Variants in JPH2 observed in about 807,000 individuals in gnomAD.
The protein encoded by JPH2 is junctophilin-2.
Under a neutral mutation model 55.9 loss-of-function variants are expected in JPH2, and 38 were observed. That is an observed-to-expected ratio of 0.68 (90% CI 0.52 to 0.89). The LOEUF (loss-of-function observed/expected upper bound fraction) is 0.89. Among genes scored for constraint, JPH2 ranks in the 40% least tolerant of loss-of-function variants. The pLI is 0.00. For synonymous variants in JPH2, 480 were observed against 472.4 expected, an observed-to-expected ratio of 1.02 and a Z score of -0.21; for missense variants, 964 against 1,037.6, an observed-to-expected ratio of 0.93 and a Z score of 0.97.
At chr20:44,153,329 A>G (rs1238262829) in intron 2 of JPH2, among the ~76,000 whole-genome samples, 2 of 152,216 alleles carry the variant, frequency 1.3e-5, no homozygotes, top group African/African-American at 4.8e-5. Flanking sequence ...ATTAAACAGG[A>G]AAGTGAGCCC....
rs1555852309 is a variant in JPH2, at chr20:44,108,643, A to AAG, written c.*4874_*4875insCT. On this transcript the variant is annotated 3_prime_UTR_variant, in exon 6 of 6. Coordinates refer to ENST00000372980, the MANE Select transcript of JPH2 (RefSeq NM_020433.5). ...ATGAGACTCTGTCTCAAAAAAAAAAAAAAAGAAAAGAGGAAGAAGAAGTGA... is the reference window on the plus strand; with the variant it reads ...ATGAGACTCTGTCTCAAAAAAAAAAAAGAAAAGAAAAGAGGAAGAAGAAGTGA... Among the ~76,000 whole-genome samples, 162 of 151,784 alleles carry AAG rather than the reference A, an allele frequency of 1.1e-3. No homozygotes were observed. Among genetic ancestry groups the AAG allele is most frequent in the African/African-American group, 3.6e-3 (150 of 41,336 alleles).
intron 1 of JPH2, among the ~76,000 whole-genome samples, chr20:44,182,176 C>A (rs1398431034): frequency 6.6e-6 from 1 of 152,154 alleles, no homozygotes; most frequent in East Asian, 1.9e-4. Flanking sequence ...CCCAGCCGTT[C>A]CTAATCACAG....
intron 1 of JPH2, among the ~76,000 whole-genome samples, chr20:44,169,213 G>A (rs1466283656): frequency 1.5e-5 from 2 of 137,382 alleles, no homozygotes; most frequent in South Asian, 4.6e-4. Context: ...GTCTTTCTCT[G>A]TTGCCCAGGC....
intron 2 of JPH2, among the ~76,000 whole-genome samples, chr20:44,129,552 C>CAAAAAAAAA (rs1208567536): frequency 4.4e-5 from 2 of 45,242 alleles, no homozygotes; most frequent in Non-Finnish European, 4.6e-5. Flanking sequence ...CAGGCTGTCT[C>CAAAAAAAAA]AAAAAAAAAA....
rs1432207462 is a variant in JPH2 at position 44,159,265 on chromosome 20, G to A, written c.1169+353C>T. Among the ~76,000 whole-genome samples, 2 of 152,096 alleles carry A rather than the reference G, an allele frequency of 1.3e-5. No homozygotes were observed. Among genetic ancestry groups the A allele is most frequent in the Non-Finnish European group, 2.9e-5 (2 of 68,004 alleles). ...TGGATGGATGTTTGGGTGGTTGACT[G>A]CGAGGTTGTGTGGATAGATGGATGA... On this transcript the variant is annotated intron_variant, in intron 2 of 5. Transcript: ENST00000372980. This position sits in a 1 kb window ranked among gnomAD's most constrained non-coding sequence, Gnocchi z 5.7.
chr20:44,175,011 G>A (rs1047471814), intron 1 of JPH2, among the ~76,000 whole-genome samples: 1 of 150,544 alleles, frequency 6.6e-6, no homozygotes, highest in African/African-American at 2.4e-5. Flanking sequence ...TAAAAAAAAA[G>A]AAAACAAAAT....
intron 2 of JPH2, among the ~76,000 whole-genome samples, chr20:44,132,351 GACAGACACACAC>G (rs1303172127): frequency 2.5e-4 from 17 of 67,496 alleles, no homozygotes; most frequent in African/African-American, 7.2e-4. Context: ...GAGGCAGACA[GACAGACACACAC>G]ACACACACAC....
Position 44,112,108 on chromosome 20 carries a change from G to A in JPH2, c.*1410C>T, listed in dbSNP as rs1281127163. 1 of 152,344 alleles carries A rather than the reference G, an allele frequency of 6.6e-6. No homozygotes were observed. The highest frequency in any genetic ancestry group is 1.5e-5 in the Non-Finnish European group (1 of 68,140). The allele number at this position is 152,344 out of a possible 1,614,324, so 9.4% of individuals were successfully genotyped here. A position where few individuals can be genotyped will look rare whatever the true frequency, so the allele number is the denominator to read the frequency against. On this transcript the variant is annotated 3_prime_UTR_variant, in exon 6 of 6. Coordinates refer to ENST00000372980, the MANE Select transcript of JPH2 (RefSeq NM_020433.5). Reference sequence around the variant, plus strand: ...AGGTTCCCAAGCATTGAAGGGAAATGGGAAAGCTGACCCTATCAGAAGCAA... The same window carrying A: ...AGGTTCCCAAGCATTGAAGGGAAATAGGAAAGCTGACCCTATCAGAAGCAA...
chr20:44,183,871 G>A (rs1435258953), intron 1 of JPH2, among the ~76,000 whole-genome samples: 6 of 152,144 alleles, frequency 3.9e-5, no homozygotes, highest in Admixed American at 3.9e-4. Context: ...GTCAGGTAGG[G>A]CGGGGTGTGA....
At chr20:44,164,924 G>T (rs1279488649) in intron 1 of JPH2, among the ~76,000 whole-genome samples, 1 of 149,352 alleles carries the variant, frequency 6.7e-6, no homozygotes, top group African/African-American at 2.5e-5. Context: ...TGCAACCTCC[G>T]CCTCCTGGGT....
Position 44,159,711 on chromosome 20 carries a change from C to T in JPH2, c.1076G>A (p.Ser359Asn). 6.2e-7 allele frequency: 1 copy of T among 1,613,450 alleles called. No individual in the cohort carries two copies. The highest frequency in any genetic ancestry group is 8.5e-7 in the Non-Finnish European group (1 of 1,179,964). Residue 359 changes from serine to asparagine, a missense_variant, in exon 2 of 6, where the codon AGC (serine) becomes AAC (asparagine). By Grantham distance (46) the Ser-to-Asn change is conservative. Coordinates refer to ENST00000372980, the MANE Select transcript of JPH2 (RefSeq NM_020433.5). This position sits in a 1 kb window ranked among gnomAD's most constrained non-coding sequence, Gnocchi z 5.7. ...DTKRRMLQLK[S>N]NKVRQKVEHS... The stretch of plus-strand genomic sequence containing the variant: ...CTCCACTTTCTGGCGGACCTTGTTG[C>T]TCTTGAGCTGCAGCATGCGGCGCTT...
chr20:44,154,339 A>G (rs1457229033), intron 2 of JPH2, among the ~76,000 whole-genome samples: 1 of 152,218 alleles, frequency 6.6e-6, no homozygotes, highest in East Asian at 1.9e-4. Flanking sequence ...TGTAATCAAT[A>G]TTTTAAAAAT....
intron 2 of JPH2, among the ~76,000 whole-genome samples, chr20:44,125,735 C>G (rs1477837288): frequency 6.6e-6 from 1 of 152,286 alleles, no homozygotes; most frequent in East Asian, 1.9e-4. Context: ...GTAACTCTGG[C>G]CAGATTGCCC....
intron 1 of JPH2, among the ~76,000 whole-genome samples, chr20:44,169,125 C>T (rs996299867): frequency 4.0e-5 from 6 of 151,772 alleles, no homozygotes; most frequent in Non-Finnish European, 7.4e-5. Flanking sequence ...CCACCAGAAT[C>T]GTTAATCAAA....
At chr20:44,145,587 G>C (rs1205857387) in intron 2 of JPH2, among the ~76,000 whole-genome samples, 1 of 148,866 alleles carries the variant, frequency 6.7e-6, no homozygotes, top group African/African-American at 2.5e-5. Context: ...CTGAGCGACA[G>C]AGTGAAACTC....
Position 44,116,163 on chromosome 20 carries a change from G to T in JPH2, c.1512C>A (p.Asp504Glu). 7.1e-7 allele frequency: 1 copy of T among 1,415,420 alleles called. No homozygotes were observed. Among genetic ancestry groups the T allele is most frequent in the South Asian group, 1.5e-5 (1 of 64,982 alleles). The allele number at this position is 1,415,420 out of a possible 1,614,324, so 87.7% of individuals were successfully genotyped here. A position where few individuals can be genotyped will look rare whatever the true frequency, so the allele number is the denominator to read the frequency against. The change falls in exon 4 of 6, where the codon GAC (aspartate) becomes GAA (glutamate). Residue 504 changes from aspartate to glutamate, a missense_variant. Asp to Glu is a conservative substitution (Grantham distance 45). Coordinates refer to ENST00000372980, the MANE Select transcript of JPH2 (RefSeq NM_020433.5). ...TCCAGGCGCCTGGGCTCAGCAGGCC[G>T]TCCTTGGACACCCCGGGCCTGGGCC... is the stretch of plus-strand genomic sequence containing the variant. ...PKRPRPGVSK[D>E]GLLSPGAWNG...
At position 44,163,547 on chromosome 20, in the gene JPH2, A is replaced by G. The variant is rs560081613; in HGVS notation, c.380-3140T>C. On this transcript the variant is annotated intron_variant, in intron 1 of 5. Coordinates refer to ENST00000372980, the MANE Select transcript of JPH2 (RefSeq NM_020433.5). ...CAAGAACCCCCATTAAGGATCATGTACAATGCCAGGGGCTCACTAAACCTC... is the reference window on the plus strand; with the variant it reads ...CAAGAACCCCCATTAAGGATCATGTGCAATGCCAGGGGCTCACTAAACCTC... Among the ~76,000 whole-genome samples, 139 of 152,326 alleles carry G rather than the reference A, an allele frequency of 9.1e-4. 1 individual carries two copies. Among genetic ancestry groups the G allele is most frequent in the African/African-American group, 3.2e-3 (132 of 41,568 alleles).
At chr20:44,174,157 G>A (rs1327101845) in intron 1 of JPH2, among the ~76,000 whole-genome samples, 6 of 152,294 alleles carry the variant, frequency 3.9e-5, no homozygotes, top group African/African-American at 1.2e-4. Context: ...GGTAAGTGTA[G>A]TCTTATTCCT....
rs771333031 is a variant in JPH2 at position 44,106,691 on chromosome 20, T to C, written c.*6827A>G. Among the ~76,000 whole-genome samples the C allele has an allele frequency of 2.0e-5, 3 of 152,110 alleles. No individual in the cohort carries two copies. The highest frequency in any genetic ancestry group is 6.6e-5 in the Admixed American group (1 of 15,252). On this transcript the variant is annotated 3_prime_UTR_variant, in exon 6 of 6. Transcript: ENST00000372980. Reference sequence around the variant, plus strand: ...GAGGAGCAAGTCACATCTTACTAGATGGCAGCAGGCAAAGAGAGGAACTTG... The same window carrying C: ...GAGGAGCAAGTCACATCTTACTAGACGGCAGCAGGCAAAGAGAGGAACTTG...
Sources: allele counts gnomAD v4.1 joint callset (sites outside exome capture counted in the v4.1 genomes callset), GRCh38; gene constraint gnomAD v4.1.1; non-coding constraint Gnocchi (gnomAD v3.1); transcripts MANE v1.5; gene names NCBI Gene and HGNC (gene_info 2026-07-23, HGNC 2026-07-21).